Variants in COL27A1 observed in about 807,000 individuals in gnomAD.
The protein encoded by COL27A1 is collagen alpha-1(XXVII) chain.
In COL27A1, 106 loss-of-function variants were observed where a neutral mutation model predicts 251.3. That is an observed-to-expected ratio of 0.42 (90% CI 0.36 to 0.50). The LOEUF (loss-of-function observed/expected upper bound fraction) is 0.50. Among genes scored for constraint, COL27A1 ranks in the 20% least tolerant of loss-of-function variants. COL27A1 has a pLI of 0.00. For missense variants in COL27A1, 2,325 were observed against 2,522.8 expected, an observed-to-expected ratio of 0.92 and a Z score of 1.68; for synonymous variants, 1,000 against 986.3, an observed-to-expected ratio of 1.01 and a Z score of -0.26.
In COL27A1 at chr9:114,300,673, C is replaced by CTA; in HGVS notation, c.4687_4688insTA (p.Pro1563LeufsTer5). 6.6e-7 allele frequency: 1 copy of CTA among 1,512,208 alleles called. No individual in the cohort carries two copies. The highest frequency in any genetic ancestry group is 2.4e-5 in the East Asian group (1 of 41,106). The allele number at this position is 1,512,208 out of a possible 1,614,324, so 93.7% of individuals were successfully genotyped here. ...CAAAGGCATCCAGGGCCCTCGGGGG[C>CTA]CACCTGGCTTGATGGTGAGTTCCCT... On this transcript the variant is annotated frameshift_variant, in exon 51 of 61. Transcript: ENST00000356083. LOFTEE classifies it high-confidence loss of function.
chr9:114,212,238 GCTTCA>G (rs1830417436), intron 12 of COL27A1, among the ~76,000 whole-genome samples: 1 of 152,206 alleles, frequency 6.6e-6, no homozygotes, highest in Non-Finnish European at 1.5e-5. Flanking sequence ...GATGCTCCCA[GCTTCA>G]GGGCAAGGAC....
At chr9:114,223,981 C>T (rs556222141) in intron 14 of COL27A1, among the ~76,000 whole-genome samples, 2 of 152,334 alleles carry the variant, frequency 1.3e-5, no homozygotes, top group African/African-American at 4.8e-5. Context: ...AAAAATTTCA[C>T]AGTCACATTG....
intron 23 of COL27A1, among the ~76,000 whole-genome samples, chr9:114,244,248 C>T (rs536668148): frequency 6.6e-6 from 1 of 152,204 alleles, no homozygotes; most frequent in Non-Finnish European, 1.5e-5. Flanking sequence ...TGTTTCTTTA[C>T]GCACAGAGCA....
In COL27A1 at chr9:114,169,059, C is replaced by G. The variant is rs142260452; in HGVS notation, c.1504C>G (p.Arg502Gly). Reference protein sequence around the residue: ...APTPGSTRSTRPPATMVPPTS... With the variant: ...APTPGSTRSTGPPATMVPPTS... ...TACTCCTGGTTCTACCAGGAGTACT[C>G]GGCCACCAGCCACGATGGTACCTCC... is the stretch of plus-strand genomic sequence containing the variant. The change falls in exon 3 of 61, where the codon CGG becomes GGG. Residue 502 changes from arginine (R) to glycine (G), a missense_variant. Physicochemically the swap from Arg to Gly is moderately radical, Grantham distance 125. Around this residue, in one of 4 missense-constraint regions of COL27A1, gnomAD observed 1,183 missense variants for 1,144.1 expected, o/e 1.03. Transcript: ENST00000356083. 6.2e-7 allele frequency: 1 copy of G among 1,613,968 alleles called. No individual in the cohort carries two copies. The highest frequency in any genetic ancestry group is 8.5e-7 in the Non-Finnish European group (1 of 1,179,886).
At chr9:114,258,490 G>T (rs774690947) in intron 27 of COL27A1, 51 bp from the exon 28 acceptor site, 5 of 1,556,646 alleles carry the variant, frequency 3.2e-6, no homozygotes, top group Non-Finnish European at 4.4e-6. Flanking sequence ...CCCCCGTGTT[G>T]CTCTCACTTC....
At chr9:114,157,275 T>G (rs1848188436) in intron 1 of COL27A1, among the ~76,000 whole-genome samples, 1 of 152,228 alleles carries the variant, frequency 6.6e-6, no homozygotes. Flanking sequence ...GCCCAGTCTC[T>G]GCCTTCTCCT....
intron 49 of COL27A1, among the ~76,000 whole-genome samples, chr9:114,295,677 G>A (rs776647367): frequency 3.3e-5 from 5 of 151,608 alleles, no homozygotes; most frequent in Non-Finnish European, 7.4e-5. Flanking sequence ...TTTTTTTTGA[G>A]ATGGAGTTTC....
Position 114,199,008 on chromosome 9 carries a change from C to T in COL27A1, c.2124+2996C>T, listed in dbSNP as rs1009485190. Reference sequence around the variant, plus strand: ...GAATAAATAATGATCATGATGATCACGAAGAGAAGCATCTGAAGAAGGTCT... The same window carrying T: ...GAATAAATAATGATCATGATGATCATGAAGAGAAGCATCTGAAGAAGGTCT... On this transcript the variant is annotated intron_variant, in intron 7 of 60. Coordinates refer to ENST00000356083, the MANE Select transcript of COL27A1 (RefSeq NM_032888.4). 3.3e-5 allele frequency among the ~76,000 whole-genome samples: 5 copies of T among 152,284 alleles called. 1 individual carries two copies. Among genetic ancestry groups the T allele is most frequent in the Middle Eastern group, 6.8e-3 (2 of 294 alleles).
At chr9:114,210,322 T>G (rs1170848806) in intron 11 of COL27A1, among the ~76,000 whole-genome samples, 1 of 152,254 alleles carries the variant, frequency 6.6e-6, no homozygotes, top group Admixed American at 6.5e-5. Context: ...ATATTCACTA[T>G]CTGCCCCTTT....
At chr9:114,163,661 GC>G (rs1367042096) in intron 2 of COL27A1, among the ~76,000 whole-genome samples, 1 of 152,230 alleles carries the variant, frequency 6.6e-6, no homozygotes, top group Non-Finnish European at 1.5e-5. Flanking sequence ...GGGGCAGGCA[GC>G]CCGGCACGCC....
chr9:114,234,950 G>A (rs10114396), intron 16 of COL27A1, among the ~76,000 whole-genome samples: 4,290 of 151,106 alleles, frequency 0.028, 186 homozygotes, highest in African/African-American at 0.095. Context: ...GTGGTGGCAC[G>A]CGCCTGTAGT....
In COL27A1 at chr9:114,254,454, A is replaced by G. The variant is rs115617923; in HGVS notation, c.3141+1522A>G. Among the ~76,000 whole-genome samples the G allele has an allele frequency of 1.6e-3, 250 of 152,026 alleles. 1 individual carries two copies. Among genetic ancestry groups the G allele is most frequent in the African/African-American group, 4.3e-3 (180 of 41,480 alleles). On this transcript the variant is annotated intron_variant, in intron 27 of 60. Transcript: ENST00000356083. ...CTGTTTCTGCCAATGGAGGATGGAA[A>G]CTAGGAAAGGGCACTCGCTTCAGCC... is the stretch of plus-strand genomic sequence containing the variant.
intron 48 of COL27A1, 79 bp from the exon 49 acceptor site, chr9:114,292,024 C>T: frequency 7.9e-7 from 1 of 1,260,968 alleles, no homozygotes; most frequent in Non-Finnish European, 1.1e-6. Context: ...TGTTCTGGCT[C>T]TCCCAGGCCC....
Position 114,194,462 on chromosome 9 carries a change from GT to G in COL27A1, c.2070+8del, listed in dbSNP as rs936857790. On this transcript the variant is annotated splice_donor_region_variant and intron_variant, in intron 6 of 60. Coordinates refer to ENST00000356083, the MANE Select transcript of COL27A1 (RefSeq NM_032888.4). ...AAGGCCCACGATGGGGCAAAGGTAG[GT>G]TTCCAGGGACCCCAGTTCTCAGGGA... 3.1e-6 allele frequency: 5 copies of G among 1,611,650 alleles called. No homozygotes were observed. The Admixed American group carries it at 8.4e-5, about 27-fold the overall frequency.
At chr9:114,258,415 C>G in intron 27 of COL27A1, 126 bp from the exon 28 acceptor site, 2 of 924,038 alleles carry the variant, frequency 2.2e-6, no homozygotes, top group Non-Finnish European at 3.3e-6. Flanking sequence ...GCTGGGGCCC[C>G]GGCAGCTTCT....
At chr9:114,303,292 G>T (rs1473690324) in intron 56 of COL27A1, among the ~76,000 whole-genome samples, 1 of 144,470 alleles carries the variant, frequency 6.9e-6, no homozygotes, top group Non-Finnish European at 1.5e-5. Flanking sequence ...AGGCTGGAGT[G>T]CAGTGGCACG....
chr9:114,210,933 G>A (rs1358518905), intron 11 of COL27A1, 49 bp from the exon 12 acceptor site: 13 of 1,604,498 alleles, frequency 8.1e-6, no homozygotes, highest in Non-Finnish European at 1.1e-5. Flanking sequence ...AAGCCTGGCT[G>A]TCCCTGCTGG....
chr9:114,154,330 G>A (rs1208345211), upstream of COL27A1, among the ~76,000 whole-genome samples: 3 of 152,218 alleles, frequency 2.0e-5, no homozygotes, highest in Non-Finnish European at 1.5e-5. The surrounding 1 kb of genome is among the most constrained non-coding windows in gnomAD (Gnocchi z 5.8). Context: ...GTTAGGCGCC[G>A]GAGGAAGGAC....
At chr9:114,161,408 A>G (rs1433612607) in intron 1 of COL27A1, among the ~76,000 whole-genome samples, 1 of 152,140 alleles carries the variant, frequency 6.6e-6, no homozygotes, top group Non-Finnish European at 1.5e-5. Context: ...CTCTAAGTCC[A>G]TGCCTACGTG....
Sources: gnomAD v4.1 joint callset for allele counts (sites outside exome capture counted in the v4.1 genomes callset) on GRCh38, gnomAD v4.1.1 for gene constraint, gnomAD v4.1.1 regional missense constraint, Gnocchi (gnomAD v3.1) non-coding constraint, MANE v1.5 for transcripts, NCBI Gene and HGNC (gene_info 2026-07-23, HGNC 2026-07-21) for gene names.